The following WWOX variants were observed in gnomAD, a reference collection of about 807,000 sequenced individuals.
The protein encoded by WWOX is WW domain containing oxidoreductase.
In WWOX, 69 loss-of-function variants were observed where a neutral mutation model predicts 46.2. The ratio of observed to expected loss-of-function variants is 1.49; its 90% CI spans 1.23 to 1.82. The LOEUF is 1.82. Among genes scored for constraint, WWOX ranks in the 40% most tolerant of loss-of-function variants. The pLI, the probability that WWOX is intolerant of heterozygous loss-of-function variation, is 0.00. For missense variants in WWOX, 919 were observed against 542.6 expected, an observed-to-expected ratio of 1.69 and a Z score of -6.89; for synonymous variants, 359 against 202.6, an observed-to-expected ratio of 1.77 and a Z score of -6.56.
At chr16:79,154,078 C>G (rs990946162) in intron 8 of WWOX, among the ~76,000 whole-genome samples, 5 of 152,164 alleles carry the variant, frequency 3.3e-5, no homozygotes, top group Non-Finnish European at 7.3e-5. Context: ...TTCTAACATG[C>G]TGAGTGGATG....
At chr16:79,076,195 C>G (rs145212034) in intron 8 of WWOX, among the ~76,000 whole-genome samples, 12 of 152,240 alleles carry the variant, frequency 7.9e-5, no homozygotes, top group African/African-American at 1.4e-4. Context: ...AGGGAACAAA[C>G]TGTCACATTT....
At chr16:78,883,083 A>G (rs913811667) in intron 8 of WWOX, among the ~76,000 whole-genome samples, 1 of 152,210 alleles carries the variant, frequency 6.6e-6, no homozygotes, top group Non-Finnish European at 1.5e-5. Context: ...GAGTGGGCCC[A>G]GGGTCCAGAA....
At chr16:78,809,897 G>A (rs966869240) in intron 8 of WWOX, among the ~76,000 whole-genome samples, 3 of 152,138 alleles carry the variant, frequency 2.0e-5, no homozygotes, top group South Asian at 2.1e-4. Context: ...CCCTCCTCCC[G>A]TGGGTTAGCA....
intron 8 of WWOX, among the ~76,000 whole-genome samples, chr16:78,708,790 C>T (rs919816567): frequency 6.6e-6 from 1 of 152,114 alleles, no homozygotes; most frequent in African/African-American, 2.4e-5. Context: ...CATAAGGCTC[C>T]TTGAGGGAAG....
intron 5 of WWOX, 121 bp from the exon 6 acceptor site, chr16:78,386,739 C>T (rs2082069255): frequency 3.8e-6 from 3 of 794,664 alleles, no homozygotes; most frequent in Non-Finnish European, 6.2e-6. Flanking sequence ...TATATTCTCT[C>T]TGGGCGTCTT....
At chr16:78,220,211 T>C (rs959265940) in intron 5 of WWOX, among the ~76,000 whole-genome samples, 2 of 152,210 alleles carry the variant, frequency 1.3e-5, no homozygotes, top group African/African-American at 4.8e-5. Flanking sequence ...ATTGCGTTTC[T>C]TTGGCCTCCC....
chr16:79,103,348 C>A (rs961029919), intron 8 of WWOX, among the ~76,000 whole-genome samples: 1 of 152,154 alleles, frequency 6.6e-6, no homozygotes, highest in African/African-American at 2.4e-5. Context: ...TAGGGGAATC[C>A]AGCAGCTGAA....
chr16:78,793,024 C>G (rs2050644991), intron 8 of WWOX, among the ~76,000 whole-genome samples: 1 of 152,150 alleles, frequency 6.6e-6, no homozygotes, highest in Non-Finnish European at 1.5e-5. Flanking sequence ...AATTTCCTTG[C>G]CCCCGCTGCC....
chr16:78,796,387 A>C (rs1010500255), intron 8 of WWOX, among the ~76,000 whole-genome samples: 4 of 152,210 alleles, frequency 2.6e-5, no homozygotes, highest in Non-Finnish European at 5.9e-5. Context: ...GAGTTATTAT[A>C]GGTCAAGCCT....
intron 4 of WWOX, among the ~76,000 whole-genome samples, chr16:78,120,051 A>G (rs1339106302): frequency 3.9e-5 from 6 of 152,090 alleles, no homozygotes; most frequent in South Asian, 4.2e-4. Flanking sequence ...CCTGCAAACA[A>G]ATACAAGCTG....
chr16:78,607,658 T>G (rs1458695877), intron 8 of WWOX, among the ~76,000 whole-genome samples: 1 of 151,180 alleles, frequency 6.6e-6, no homozygotes. Flanking sequence ...TTTTTTTTTT[T>G]GGCTGTCTAC....
At chr16:78,803,766 C>T (rs527919885) in intron 8 of WWOX, among the ~76,000 whole-genome samples, 3 of 152,048 alleles carry the variant, frequency 2.0e-5, no homozygotes. Context: ...GCCTAAATGG[C>T]ATTCTTGGAA....
intron 8 of WWOX, among the ~76,000 whole-genome samples, chr16:78,924,936 T>G (rs2151274083): frequency 6.6e-6 from 1 of 152,286 alleles, no homozygotes; most frequent in Non-Finnish European, 1.5e-5. Context: ...GGTTCATGCT[T>G]GTAATTCCAG....
At chr16:79,102,039 T>C (rs1245165412) in intron 8 of WWOX, among the ~76,000 whole-genome samples, 155 of 30,986 alleles carry the variant, frequency 5.0e-3, no homozygotes, top group African/African-American at 0.018. Context: ...GTGGTGGGGG[T>C]GGGGGGCAGG....
chr16:78,155,562 C>T (rs1406023008), intron 4 of WWOX, among the ~76,000 whole-genome samples: 1 of 152,192 alleles, frequency 6.6e-6, no homozygotes, highest in African/African-American at 2.4e-5. Flanking sequence ...AAAACTGATG[C>T]TGTTCATTGC....
intron 8 of WWOX, among the ~76,000 whole-genome samples, chr16:78,798,299 C>A (rs908275869): frequency 3.3e-5 from 5 of 151,838 alleles, no homozygotes; most frequent in Non-Finnish European, 7.4e-5. Flanking sequence ...CAGATTGACG[C>A]TTTTCAAGAG....
chr16:78,574,216 C>G (rs2044790439), intron 8 of WWOX, among the ~76,000 whole-genome samples: 1 of 152,156 alleles, frequency 6.6e-6, no homozygotes, highest in South Asian at 2.1e-4. Context: ...GCAAGTTGGT[C>G]AACAAGATGG....
intron 8 of WWOX, among the ~76,000 whole-genome samples, chr16:78,995,086 T>C (rs1214014951): frequency 6.6e-6 from 1 of 150,680 alleles, no homozygotes; most frequent in African/African-American, 2.4e-5. Flanking sequence ...TGCCGAGGAG[T>C]TCACTGTGCC....
intron 8 of WWOX, among the ~76,000 whole-genome samples, chr16:79,201,241 C>G (rs529999291): frequency 6.6e-6 from 1 of 152,154 alleles, no homozygotes; most frequent in African/African-American, 2.4e-5. Flanking sequence ...TGATTCTCAG[C>G]TCCCTCCAGG....
Sources: gnomAD v4.1 joint callset for allele counts (sites outside exome capture counted in the v4.1 genomes callset) on GRCh38, gnomAD v4.1.1 for gene constraint, MANE v1.5 for transcripts, NCBI Gene and HGNC (gene_info 2026-07-23, HGNC 2026-07-21) for gene names.